Variants in ZCCHC14 observed in about 807,000 individuals in gnomAD.
ZCCHC14 encodes zinc finger CCHC-type containing 14, also known as zinc finger CCHC domain-containing protein 14.
In ZCCHC14, 16 loss-of-function variants were observed where a neutral mutation model predicts 85.0. The ratio of observed to expected loss-of-function variants is 0.19; its 90% confidence interval spans 0.13 to 0.29. ZCCHC14 has a LOEUF of 0.29. Among genes scored for constraint, ZCCHC14 ranks in the 10% least tolerant of loss-of-function variants. The probability of loss-of-function intolerance (pLI) is 1.00; values close to 1 mark genes in which losing one functional copy is unlikely to be tolerated. For synonymous variants in ZCCHC14, 775 were observed against 630.7 expected (o/e 1.23, Z -3.43); for missense variants, 1,303 against 1,443.5 (o/e 0.90, Z 1.58).
At chr16:87,430,973 C>T (rs1909628266) in intron 3 of ZCCHC14, among the ~76,000 whole-genome samples, 1 of 151,212 alleles carries the variant, frequency 6.6e-6, no homozygotes, top group African/African-American at 2.4e-5. Context: ...AACCCTATCT[C>T]CACAAAAGTA....
chr16:87,432,477 G>A (rs539477662), intron 3 of ZCCHC14, among the ~76,000 whole-genome samples: 1 of 152,262 alleles, frequency 6.6e-6, no homozygotes, highest in Non-Finnish European at 1.5e-5. Flanking sequence ...AGCACCTTGG[G>A]CCGGGAGCAG....
At position 87,491,955 on chromosome 16, in the gene ZCCHC14, C is replaced by T; in HGVS notation, c.284G>A (p.Gly95Asp). 2.1e-6 allele frequency: 3 copies of T among 1,432,632 alleles called. No individual in the cohort carries two copies. The highest frequency in any genetic ancestry group is 2.7e-6 in the Non-Finnish European group (3 of 1,096,094). 88.7% of individuals were successfully genotyped at this position (1,432,632 alleles called of 1,614,324 possible). A position where few individuals can be genotyped will look rare whatever the true frequency, so the allele number is the denominator to read the frequency against. Residue 95 changes from glycine to aspartate, a missense_variant, in exon 1 of 13, where the codon GGC becomes GAC. This residue lies in a region of ZCCHC14 where 19 missense variants were observed against 55.1 expected (regional missense o/e 0.34). Transcript: ENST00000671377. This position sits in a 1 kb window ranked among gnomAD's most constrained non-coding sequence, Gnocchi z 5.9. Reference sequence around the variant, plus strand: ...GCCCGCCGCCTCGCGCTGCTCCGAGCCCAGCAGCGCCAGCGACACCAGCAG... The same window carrying T: ...GCCCGCCGCCTCGCGCTGCTCCGAGTCCAGCAGCGCCAGCGACACCAGCAG... ...SKLLVSLALL[G>D]SEQREAAGVL...
chr16:87,436,600 GATAA>G (rs1278785045), intron 2 of ZCCHC14, among the ~76,000 whole-genome samples: 1 of 152,268 alleles, frequency 6.6e-6, no homozygotes, highest in Non-Finnish European at 1.5e-5. Context: ...AGAGCAGCAG[GATAA>G]ATAGCTCACA....
intron 6 of ZCCHC14, 45 bp from the exon 7 acceptor site, chr16:87,418,946 A>C: frequency 1.3e-6 from 2 of 1,499,706 alleles, no homozygotes; most frequent in Non-Finnish European, 1.8e-6. Flanking sequence ...CAGACAATGA[A>C]AATATTTGTT....
intron 9 of ZCCHC14, 58 bp downstream of exon 9, chr16:87,415,218 C>T: frequency 6.5e-7 from 1 of 1,538,178 alleles, no homozygotes; most frequent in Non-Finnish European, 9.0e-7. Context: ...CTCAGCACTC[C>T]ATTCGGCACA....
intron 12 of ZCCHC14, 59 bp downstream of exon 12, chr16:87,411,457 G>A: frequency 1.3e-6 from 2 of 1,571,844 alleles, no homozygotes; most frequent in African/African-American, 1.4e-5. Context: ...TAAAAACCAA[G>A]CATTTGTGTG....
In ZCCHC14 at chr16:87,420,092, G is replaced by A. The variant is rs1909013415; in HGVS notation, c.951-215C>T. Reference sequence around the variant, plus strand: ...CCTTCCTCTCAATGCTGTATTCATGGCCACCAAGGTTGACGACAGCAGTCA... The same window carrying A: ...CCTTCCTCTCAATGCTGTATTCATGACCACCAAGGTTGACGACAGCAGTCA... On this transcript the variant is annotated intron_variant, in intron 5 of 12. Transcript: ENST00000671377. The surrounding 1 kb of genome is among the most constrained non-coding windows in gnomAD (Gnocchi z 5.0). 6.6e-6 allele frequency among the ~76,000 whole-genome samples: 1 copy of A among 152,138 alleles called. No individual in the cohort carries two copies. The highest frequency in any genetic ancestry group is 2.4e-5 in the African/African-American group (1 of 41,424).
chr16:87,412,750 G>C lies in ZCCHC14; in HGVS notation c.1971C>G (p.Ser657Arg), dbSNP rs777471849. 6.2e-7 allele frequency: 1 copy of C among 1,614,056 alleles called. No homozygotes were observed. The highest frequency in any genetic ancestry group is 8.5e-7 in the Non-Finnish European group (1 of 1,180,034). The change falls in exon 12 of 13, where the codon AGC (serine) becomes AGG (arginine). Residue 657 changes from serine (S) to arginine (R), a missense_variant. By Grantham distance (110) the Ser-to-Arg change is moderately radical. Around this residue, in one of 7 missense-constraint regions of ZCCHC14, gnomAD observed 797 missense variants for 730.8 expected, o/e 1.09. Coordinates refer to ENST00000671377, the MANE Select transcript of ZCCHC14 (RefSeq NM_015144.3). ...AAGACGAGAGGAGCTTCATGTCCGCGCTCCCTCTTTCCGGCTTGTGCACGG... is the reference window on the plus strand; with the variant it reads ...AAGACGAGAGGAGCTTCATGTCCGCCCTCCCTCTTTCCGGCTTGTGCACGG... Reference protein sequence around the residue: ...LNSVHKPERGSADMKLLSSSV... With the variant: ...LNSVHKPERGRADMKLLSSSV...
intron 1 of ZCCHC14, among the ~76,000 whole-genome samples, chr16:87,463,477 G>C (rs1911370152): frequency 6.6e-6 from 1 of 152,212 alleles, no homozygotes; most frequent in Non-Finnish European, 1.5e-5. Flanking sequence ...CATATTCTAA[G>C]TCCTGGTTCT....
chr16:87,481,058 G>A (rs532975050), intron 1 of ZCCHC14, among the ~76,000 whole-genome samples: 1 of 152,258 alleles, frequency 6.6e-6, no homozygotes, highest in African/African-American at 2.4e-5. Flanking sequence ...TGACACAAGG[G>A]AACTGATGTC....
intron 1 of ZCCHC14, among the ~76,000 whole-genome samples, chr16:87,487,863 C>T (rs1287411625): frequency 2.6e-5 from 4 of 151,744 alleles, no homozygotes; most frequent in East Asian, 3.9e-4. Context: ...ATCACGACAC[C>T]GAGTGAAGGA....
At chr16:87,461,067 G>T (rs1911232395) in intron 1 of ZCCHC14, among the ~76,000 whole-genome samples, 1 of 152,236 alleles carries the variant, frequency 6.6e-6, no homozygotes, top group South Asian at 2.1e-4. Flanking sequence ...CATCGACAGA[G>T]ACCTGCTAAG....
intron 3 of ZCCHC14, among the ~76,000 whole-genome samples, chr16:87,426,365 C>T: frequency 6.6e-6 from 1 of 152,214 alleles, no homozygotes; most frequent in Non-Finnish European, 1.5e-5. Flanking sequence ...TACATTTCAC[C>T]AAGAAAAAGT....
chr16:87,463,843 C>T (rs902784561), intron 1 of ZCCHC14, among the ~76,000 whole-genome samples: 5 of 152,016 alleles, frequency 3.3e-5, no homozygotes, highest in African/African-American at 2.4e-5. Flanking sequence ...AAAAAACAAA[C>T]AGAGTCTCTT....
intron 2 of ZCCHC14, among the ~76,000 whole-genome samples, chr16:87,458,678 C>T (rs753621371): frequency 7.9e-5 from 12 of 152,158 alleles, no homozygotes; most frequent in Non-Finnish European, 1.5e-4. Context: ...GTGGAAGGCA[C>T]GAAGCGCCGT....
Position 87,444,744 on chromosome 16 carries a change from A to G in ZCCHC14, c.695-11543T>C, listed in dbSNP as rs185807731. Among the ~76,000 whole-genome samples the G allele has an allele frequency of 3.0e-3, 463 of 152,322 alleles. 4 individuals carry two copies. The highest frequency in any genetic ancestry group is 4.1e-3 in the Non-Finnish European group (281 of 68,024). On this transcript the variant is annotated intron_variant, in intron 2 of 12. Transcript: ENST00000671377. Reference sequence around the variant, plus strand: ...TTCTAAAGTATCCGGGTCATGAAAGACAAGGGAAGATGGAGGAGCAGCTAC... The same window carrying G: ...TTCTAAAGTATCCGGGTCATGAAAGGCAAGGGAAGATGGAGGAGCAGCTAC...
intron 1 of ZCCHC14, among the ~76,000 whole-genome samples, chr16:87,478,298 A>C (rs946055265): frequency 1.3e-5 from 2 of 152,224 alleles, no homozygotes; most frequent in Non-Finnish European, 2.9e-5. Flanking sequence ...CCAACAGATA[A>C]TAAGCCAGCA....
At chr16:87,479,273 G>A (rs991949165) in intron 1 of ZCCHC14, among the ~76,000 whole-genome samples, 7 of 151,944 alleles carry the variant, frequency 4.6e-5, no homozygotes, top group Non-Finnish European at 7.4e-5. Context: ...AAAATTAGCC[G>A]GGTGTGGTGG....
At chr16:87,419,581 G>A (rs1337492741) in intron 6 of ZCCHC14, among the ~76,000 whole-genome samples, 1 of 151,946 alleles carries the variant, frequency 6.6e-6, no homozygotes, top group East Asian at 1.9e-4. Flanking sequence ...GATTATAGGC[G>A]TGAGCCACTG....
Sources: allele counts gnomAD v4.1 joint callset (sites outside exome capture counted in the v4.1 genomes callset), GRCh38; gene constraint gnomAD v4.1.1; regional missense constraint gnomAD v4.1.1; non-coding constraint Gnocchi (gnomAD v3.1); transcripts MANE v1.5; gene names NCBI Gene and HGNC (gene_info 2026-07-23, HGNC 2026-07-21).